FHIT: variants seen among roughly 807,000 people sequenced by gnomAD.
FHIT encodes bis(5'-adenosyl)-triphosphatase.
A neutral mutation model predicts 17.9 loss-of-function variants in FHIT; 19 were observed. The ratio of observed to expected loss-of-function variants is 1.06; its 90% confidence interval spans 0.74 to 1.56. The LOEUF (loss-of-function observed/expected upper bound fraction) is 1.56, where lower values mean the gene tolerates loss of function less well. FHIT is among the 40% of genes most tolerant of loss of function. FHIT has a pLI of 0.00. For missense variants in FHIT, 248 were observed against 189.2 expected, an observed-to-expected ratio of 1.31 and a Z score of -1.82; for synonymous variants, 81 against 69.7, an observed-to-expected ratio of 1.16 and a Z score of -0.81.
chr3:60,230,919 C>G (rs1273007226), intron 5 of FHIT, among the ~76,000 whole-genome samples: 1 of 152,128 alleles, frequency 6.6e-6, no homozygotes, highest in Non-Finnish European at 1.5e-5. Flanking sequence ...CCATGTTGGC[C>G]AGGCTGGTCT....
At chr3:60,298,113 A>G (rs1708294154) in intron 5 of FHIT, among the ~76,000 whole-genome samples, 1 of 152,014 alleles carries the variant, frequency 6.6e-6, no homozygotes, top group African/African-American at 2.4e-5. Context: ...CTCTACGAGC[A>G]CCACCCTCCA....
intron 8 of FHIT, among the ~76,000 whole-genome samples, chr3:59,879,020 A>T (rs965659138): frequency 6.6e-6 from 1 of 152,096 alleles, no homozygotes; most frequent in African/African-American, 2.4e-5. Flanking sequence ...AGGAAAAAAA[A>T]AAGAAGAAGA....
At chr3:59,934,837 C>T (rs1304849147) in intron 7 of FHIT, among the ~76,000 whole-genome samples, 2 of 152,090 alleles carry the variant, frequency 1.3e-5, no homozygotes, top group East Asian at 1.9e-4. Context: ...AAACTGCCCC[C>T]ATGATTCAAT....
chr3:60,274,900 C>A (rs1480416232), intron 5 of FHIT, among the ~76,000 whole-genome samples: 2 of 151,996 alleles, frequency 1.3e-5, no homozygotes, highest in African/African-American at 2.4e-5. Context: ...TATAACTTTG[C>A]TTTAGGGAAA....
chr3:59,918,878 G>C lies in FHIT; in HGVS notation c.348+3468C>G, dbSNP rs544581643. On this transcript the variant is annotated intron_variant, in intron 8 of 9. Coordinates refer to ENST00000492590, the MANE Select transcript of FHIT (RefSeq NM_002012.4). ...CTTTGCAGGCAAAAATAAAACACAT[G>C]TGAAGAGGCAAGCAAAGCCCAAGGA... Among the ~76,000 whole-genome samples, 4 of 152,286 alleles carry C rather than the reference G, an allele frequency of 2.6e-5. No homozygotes were observed. The East Asian group carries it at 7.7e-4, about 29-fold the overall frequency.
intron 5 of FHIT, among the ~76,000 whole-genome samples, chr3:60,119,795 G>A (rs1248962776): frequency 6.6e-6 from 1 of 152,052 alleles, no homozygotes; most frequent in African/African-American, 2.4e-5. Flanking sequence ...CTCCAGTGTA[G>A]CACTAATCAA....
intron 2 of FHIT, among the ~76,000 whole-genome samples, chr3:61,061,094 C>G (rs2034411986): frequency 6.6e-6 from 1 of 152,192 alleles, no homozygotes; most frequent in East Asian, 1.9e-4. Context: ...GTCGAATCAG[C>G]TGTCCCACAA....
At chr3:60,130,784 G>GTGTATATACACACATATATGTGTGTGT (rs148356992) in intron 5 of FHIT, among the ~76,000 whole-genome samples, 32 of 111,728 alleles carry the variant, frequency 2.9e-4, no homozygotes, top group Admixed American at 8.9e-4. Flanking sequence ...GTGTGTGTGT[G>GTGTATATACACACATATATGTGTGTGT]GTGTGTATAT....
chr3:60,522,530 G>A lies in FHIT; in HGVS notation c.103+14330C>T, dbSNP rs2734405. 1.4e-3 allele frequency among the ~76,000 whole-genome samples: 216 copies of A among 152,258 alleles called. 1 individual carries two copies. Among genetic ancestry groups the A allele is most frequent in the Middle Eastern group, 3.4e-3 (1 of 294 alleles). On this transcript the variant is annotated intron_variant, in intron 5 of 9. Coordinates refer to ENST00000492590, the MANE Select transcript of FHIT (RefSeq NM_002012.4). The stretch of plus-strand genomic sequence containing the variant: ...ATGGATAGTGGTAGACTGGAGTTGC[G>A]GGAGTGATAAACAAGGAAACCTGAG...
intron 7 of FHIT, 93 bp from the exon 8 acceptor site, chr3:59,922,507 C>G: frequency 5.9e-6 from 6 of 1,021,588 alleles, no homozygotes; most frequent in Non-Finnish European, 8.9e-6. Context: ...AATTACTCCA[C>G]GATGGTTCCT....
chr3:59,841,390 C>T (rs1182122002), intron 8 of FHIT, among the ~76,000 whole-genome samples: 2 of 152,204 alleles, frequency 1.3e-5, no homozygotes, highest in African/African-American at 4.8e-5. Flanking sequence ...TGGGCCTCAG[C>T]TCCAGTGAGC....
In FHIT at chr3:60,104,535, G is replaced by C. The variant is rs144521903; in HGVS notation, c.104-90383C>G. Among the ~76,000 whole-genome samples the C allele has an allele frequency of 3.3e-5, 5 of 151,538 alleles. No individual in the cohort carries two copies. The East Asian group carries it at 5.8e-4, about 18-fold the overall frequency. On this transcript the variant is annotated intron_variant, in intron 5 of 9. Transcript: ENST00000492590. ...GGCTTATAGAATAGAAAGAGAAAGA[G>C]GGGGAGAGGTTTTTATCTTTTAGAA...
chr3:59,902,713 T>C (rs1196057257), intron 8 of FHIT, among the ~76,000 whole-genome samples: 1 of 152,192 alleles, frequency 6.6e-6, no homozygotes, highest in East Asian at 1.9e-4. Flanking sequence ...AACTACTGCA[T>C]GATCTTACTT....
At chr3:60,350,631 C>A (rs1248847137) in intron 5 of FHIT, among the ~76,000 whole-genome samples, 2 of 152,140 alleles carry the variant, frequency 1.3e-5, no homozygotes, top group African/African-American at 4.8e-5. Context: ...CCTCCTTCCT[C>A]CCTGTATTCC....
At chr3:60,488,208 G>C (rs76674797) in intron 5 of FHIT, among the ~76,000 whole-genome samples, 14,617 of 152,200 alleles carry the variant, frequency 0.096, 1,111 homozygotes, top group East Asian at 0.39. Context: ...CGACTCCTGT[G>C]ATTGAGCTAA....
chr3:61,152,928 G>C (rs766035811), intron 2 of FHIT, among the ~76,000 whole-genome samples: 1 of 152,168 alleles, frequency 6.6e-6, no homozygotes, highest in Admixed American at 6.5e-5. Flanking sequence ...AGGATCACAA[G>C]ATCAGGAGAT....
chr3:59,853,390 T>C (rs1176023271), intron 8 of FHIT, among the ~76,000 whole-genome samples: 1 of 152,224 alleles, frequency 6.6e-6, no homozygotes, highest in Non-Finnish European at 1.5e-5. Flanking sequence ...GTGAATTTCA[T>C]AGCCTATACT....
At chr3:61,081,887 C>T (rs1474455503) in intron 2 of FHIT, among the ~76,000 whole-genome samples, 2 of 152,156 alleles carry the variant, frequency 1.3e-5, no homozygotes, top group Non-Finnish European at 2.9e-5. Flanking sequence ...GTGCAGGGCA[C>T]ACAATTCGAC....
chr3:60,604,444 G>C (rs545807961), intron 4 of FHIT, among the ~76,000 whole-genome samples: 1 of 152,124 alleles, frequency 6.6e-6, no homozygotes, highest in South Asian at 2.1e-4. Context: ...CCTCCATCTT[G>C]GGATAAGATC....
Sources: gnomAD v4.1 joint callset for allele counts (sites outside exome capture counted in the v4.1 genomes callset) on GRCh38, gnomAD v4.1.1 for gene constraint, MANE v1.5 for transcripts, NCBI Gene and HGNC (gene_info 2026-07-23, HGNC 2026-07-21) for gene names.